MRPL30: variants seen among roughly 807,000 people sequenced by gnomAD.
MRPL30 encodes large ribosomal subunit protein uL30m.
Under a neutral mutation model 17.2 loss-of-function variants are expected in MRPL30, and 10 were observed. The observed-to-expected ratio is 0.58, with a 90% CI of 0.36 to 0.99. The LOEUF is 0.99. Ranked by LOEUF, MRPL30 falls within the 50% of genes least tolerant of loss-of-function variation. MRPL30 has a pLI of 0.01. For synonymous variants in MRPL30, 61 were observed against 62.1 expected (o/e 0.98, Z 0.08); for missense variants, 170 against 189.8 (o/e 0.90, Z 0.61).
rs920854004 is a variant in MRPL30, at chr2:99,197,910, C to T, written c.*2205C>T. Reference sequence around the variant, plus strand: ...TCTCCTGCCTCAGCCTCCCAAAGTGCTGGGAATACAGGTGTGAGCCACCAT... The same window carrying T: ...TCTCCTGCCTCAGCCTCCCAAAGTGTTGGGAATACAGGTGTGAGCCACCAT... On this transcript the variant is annotated 3_prime_UTR_variant, in exon 6 of 6. Transcript: ENST00000338148. 1.3e-5 allele frequency among the ~76,000 whole-genome samples: 2 copies of T among 152,138 alleles called. No individual in the cohort carries two copies. The highest frequency in any genetic ancestry group is 2.9e-5 in the Non-Finnish European group (2 of 68,026).
chr2:99,182,419 C>G (rs1158335508), intron 1 of MRPL30, among the ~76,000 whole-genome samples: 1 of 152,032 alleles, frequency 6.6e-6, no homozygotes. Flanking sequence ...GCCGGGCGTC[C>G]GGGCGGGCGC....
At chr2:99,186,484 C>T (rs2093934315) in intron 2 of MRPL30, among the ~76,000 whole-genome samples, 1 of 152,146 alleles carries the variant, frequency 6.6e-6, no homozygotes, top group African/African-American at 2.4e-5. Flanking sequence ...AGGTGTCTGC[C>T]ACTATGCCTG....
chr2:99,194,510 C>T (rs143029330), intron 3 of MRPL30, among the ~76,000 whole-genome samples: 1 of 152,268 alleles, frequency 6.6e-6, no homozygotes, highest in Admixed American at 6.5e-5. Context: ...TACAGATTCT[C>T]CTGACATTTA....
At chr2:99,186,365 C>A in intron 2 of MRPL30, 111 bp downstream of exon 2, 1 of 949,188 alleles carries the variant, frequency 1.1e-6, no homozygotes, top group Non-Finnish European at 1.6e-6. Flanking sequence ...CGAAGTCTCT[C>A]TCTGTCACCC....
chr2:99,181,756 G>A (rs1185505647), intron 1 of MRPL30, among the ~76,000 whole-genome samples: 1 of 152,122 alleles, frequency 6.6e-6, no homozygotes, highest in Non-Finnish European at 1.5e-5. Context: ...ACCAAAAGCT[G>A]TTTGTTCTGC....
At chr2:99,191,214 C>T (rs183140554) in intron 3 of MRPL30, among the ~76,000 whole-genome samples, 1 of 152,136 alleles carries the variant, frequency 6.6e-6, no homozygotes, top group African/African-American at 2.4e-5. Context: ...ACCATGCTGG[C>T]CAGGATGGTC....
In MRPL30 at chr2:99,196,433, T is replaced by G. The variant is rs1311899359; in HGVS notation, c.*728T>G. 1.3e-5 allele frequency: 2 copies of G among 152,318 alleles called. No homozygotes were observed. Among genetic ancestry groups the G allele is most frequent in the Non-Finnish European group, 2.9e-5 (2 of 68,168 alleles). 9.4% of individuals were successfully genotyped at this position (152,318 alleles called of 1,614,324 possible). On this transcript the variant is annotated 3_prime_UTR_variant, in exon 6 of 6. Transcript: ENST00000338148. ...CTCCCACCTCAGCCTCCAGAGTAGCTAGGACTACAGGCAGTGTGCCACCAC... is the reference window on the plus strand; with the variant it reads ...CTCCCACCTCAGCCTCCAGAGTAGCGAGGACTACAGGCAGTGTGCCACCAC...
intron 1 of MRPL30, among the ~76,000 whole-genome samples, chr2:99,185,353 C>G (rs945597800): frequency 2.6e-5 from 4 of 152,124 alleles, no homozygotes; most frequent in African/African-American, 9.7e-5. Context: ...TTGAGGGCTT[C>G]CCACATGCCA....
At chr2:99,181,634 T>A (rs1484354032) in intron 1 of MRPL30, among the ~76,000 whole-genome samples, 1 of 151,906 alleles carries the variant, frequency 6.6e-6, no homozygotes, top group African/African-American at 2.4e-5. Context: ...GACAGAAAAT[T>A]GCCTTTATCT....
intron 3 of MRPL30, among the ~76,000 whole-genome samples, chr2:99,192,812 C>T (rs1456360317): frequency 1.3e-5 from 2 of 152,212 alleles, no homozygotes; most frequent in East Asian, 3.8e-4. Context: ...AATCACCACA[C>T]TGTCTTCCAC....
rs781756847 is a variant in MRPL30, at chr2:99,195,644, C to G, written c.425C>G (p.Thr142Ser). The change falls in exon 6 of 6, where the codon ACT (threonine) becomes AGT (serine). Residue 142 changes from threonine to serine, a missense_variant. Coordinates refer to ENST00000338148, the MANE Select transcript of MRPL30 (RefSeq NM_145212.4). ...ENMSNTCLKSTGELVVQWHLK... is the reference protein window; with the variant it reads ...ENMSNTCLKSSGELVVQWHLK... ...ATGTCTAACACGTGCCTCAAAAGCACTGGGGAGTTAGTAGTGCAGTGGCAT... is the reference window on the plus strand; with the variant it reads ...ATGTCTAACACGTGCCTCAAAAGCAGTGGGGAGTTAGTAGTGCAGTGGCAT... The G allele has an allele frequency of 2.5e-6, 4 of 1,613,654 alleles. No homozygotes were observed. Among genetic ancestry groups the G allele is most frequent in the African/African-American group, 2.7e-5 (2 of 74,876 alleles).
In MRPL30 at chr2:99,197,315, T is replaced by C. The variant is rs1169178902; in HGVS notation, c.*1610T>C. On this transcript the variant is annotated 3_prime_UTR_variant, in exon 6 of 6. Transcript: ENST00000338148. ...ATTTGGCTTGGCAACAATGACATTG[T>C]CATGCTTATTGTCCCAATATCCATC... The C allele has an allele frequency of 6.6e-6, 1 of 152,246 alleles. No individual in the cohort carries two copies. Among genetic ancestry groups the C allele is most frequent in the African/African-American group, 2.4e-5 (1 of 41,454 alleles). 9.4% of individuals were successfully genotyped at this position (152,246 alleles called of 1,614,324 possible).
At position 99,198,512 on chromosome 2, in the gene MRPL30, T is replaced by C. The variant is rs2093958623; in HGVS notation, c.*2807T>C. On this transcript the variant is annotated 3_prime_UTR_variant, in exon 6 of 6. Coordinates refer to ENST00000338148, the MANE Select transcript of MRPL30 (RefSeq NM_145212.4). ...TGTGCCTCGTGTCACCTTTTTTGCA[T>C]TCCATTCATTAAGAACAAGTTGCAG... is the stretch of plus-strand genomic sequence containing the variant. Among the ~76,000 whole-genome samples the C allele has an allele frequency of 6.6e-6, 1 of 152,172 alleles. No homozygotes were observed. Among genetic ancestry groups the C allele is most frequent in the African/African-American group, 2.4e-5 (1 of 41,432 alleles).
rs2093956822 is a variant in MRPL30, at chr2:99,197,504, C to T, written c.*1799C>T. On this transcript the variant is annotated 3_prime_UTR_variant, in exon 6 of 6. Coordinates refer to ENST00000338148, the MANE Select transcript of MRPL30 (RefSeq NM_145212.4). Reference sequence around the variant, plus strand: ...AGGCCTGGAGGGGAGCCAAAGGACACTAACTTCTAAGAGCTCCGTCTAGTT... The same window carrying T: ...AGGCCTGGAGGGGAGCCAAAGGACATTAACTTCTAAGAGCTCCGTCTAGTT... 1 of 152,212 alleles carries T rather than the reference C, an allele frequency of 6.6e-6. No homozygotes were observed. Among genetic ancestry groups the T allele is most frequent in the African/African-American group, 2.4e-5 (1 of 41,438 alleles). 9.4% of individuals were successfully genotyped at this position (152,212 alleles called of 1,614,324 possible).
At chr2:99,184,846 TTGCTTTA>T (rs1368902029) in intron 1 of MRPL30, among the ~76,000 whole-genome samples, 2 of 152,184 alleles carry the variant, frequency 1.3e-5, no homozygotes, top group Non-Finnish European at 2.9e-5. Flanking sequence ...CACAGTTCCG[TTGCTTTA>T]TCCACATCAC....
chr2:99,198,836 G>A lies in MRPL30; in HGVS notation c.*3131G>A, dbSNP rs1559193534. On this transcript the variant is annotated 3_prime_UTR_variant, in exon 6 of 6. Coordinates refer to ENST00000338148, the MANE Select transcript of MRPL30 (RefSeq NM_145212.4). ...TTTTGCCTGACATCTGGTGGTGACC[G>A]TGGCCACCAAGTCAACCCAAACACT... Among the ~76,000 whole-genome samples, 1 of 152,106 alleles carries A rather than the reference G, an allele frequency of 6.6e-6. No homozygotes were observed. The highest frequency in any genetic ancestry group is 1.5e-5 in the Non-Finnish European group (1 of 68,018).
At chr2:99,192,066 C>T (rs1220276877) in intron 3 of MRPL30, among the ~76,000 whole-genome samples, 2 of 152,078 alleles carry the variant, frequency 1.3e-5, no homozygotes, top group African/African-American at 2.4e-5. Context: ...TTACCCACCC[C>T]GAGATAACTG....
Position 99,188,264 on chromosome 2 carries a change from A to C in MRPL30, c.132+7A>C. On this transcript the variant is annotated splice_region_variant and intron_variant, in intron 3 of 5. Transcript: ENST00000338148. ...ATCAAGAATTCCAGAAAAAGTAAGA[A>C]CAAAGTTTGATTTTTTTAATGTTAG... 1 of 1,593,786 alleles carries C rather than the reference A, an allele frequency of 6.3e-7. No homozygotes were observed. The highest frequency in any genetic ancestry group is 8.5e-7 in the Non-Finnish European group (1 of 1,170,434).
chr2:99,195,091 G>A (rs1199071505), intron 4 of MRPL30, 25 bp from the exon 5 acceptor site: 15 of 1,546,514 alleles, frequency 9.7e-6, no homozygotes, highest in Non-Finnish European at 1.2e-5. Context: ...GATTGATAAC[G>A]TTGCTTTGTT....
Sources: allele counts gnomAD v4.1 joint callset (sites outside exome capture counted in the v4.1 genomes callset), GRCh38; gene constraint gnomAD v4.1.1; transcripts MANE v1.5; gene names NCBI Gene and HGNC (gene_info 2026-07-23, HGNC 2026-07-21).